CADM2: variants seen among roughly 807,000 people sequenced by gnomAD.
The protein encoded by CADM2 is immunoglobulin superfamily member 4D.
A neutral mutation model predicts 49.8 loss-of-function variants in CADM2; 12 were observed. The ratio of observed to expected loss-of-function variants is 0.24; its 90% confidence interval spans 0.15 to 0.39. The LOEUF (loss-of-function observed/expected upper bound fraction) is 0.39. Among genes scored for constraint, CADM2 ranks in the 10% least tolerant of loss-of-function variants. CADM2 has a pLI of 1.00. For synonymous variants in CADM2, 214 were observed against 175.4 expected, an observed-to-expected ratio of 1.22 and a Z score of -1.74; for missense variants, 378 against 492.3, an observed-to-expected ratio of 0.77 and a Z score of 2.20.
At chr3:85,111,004 C>A (rs2038437126) in intron 1 of CADM2, among the ~76,000 whole-genome samples, 2 of 151,778 alleles carry the variant, frequency 1.3e-5, no homozygotes, top group African/African-American at 4.8e-5. Context: ...TTCCCATCTA[C>A]CTTTTTATGT....
chr3:84,966,682 G>A (rs1243856069), intron 1 of CADM2, among the ~76,000 whole-genome samples: 3 of 151,994 alleles, frequency 2.0e-5, no homozygotes, highest in Non-Finnish European at 4.4e-5. Context: ...ATAGAGAGAG[G>A]GGGCCATTAA....
intron 1 of CADM2, among the ~76,000 whole-genome samples, chr3:85,426,599 C>T (rs1375309610): frequency 6.6e-6 from 1 of 151,856 alleles, no homozygotes; most frequent in African/African-American, 2.4e-5. Context: ...GGTATCCATC[C>T]CCTCAAGCAT....
intron 1 of CADM2, among the ~76,000 whole-genome samples, chr3:85,294,345 G>T (rs946655275): frequency 6.6e-6 from 1 of 151,962 alleles, no homozygotes; most frequent in Non-Finnish European, 1.5e-5. Context: ...AATCAATATC[G>T]TGAAAATGGC....
intron 1 of CADM2, among the ~76,000 whole-genome samples, chr3:85,118,589 A>G (rs1182779483): frequency 6.6e-6 from 1 of 152,124 alleles, no homozygotes; most frequent in Non-Finnish European, 1.5e-5. Flanking sequence ...ACCCATCCTC[A>G]TGACTCAATT....
chr3:85,068,834 A>G (rs1313829089), intron 1 of CADM2, among the ~76,000 whole-genome samples: 2 of 151,246 alleles, frequency 1.3e-5, no homozygotes, highest in African/African-American at 4.9e-5. Context: ...ATAACTTTTC[A>G]TATGGAGATA....
intron 1 of CADM2, among the ~76,000 whole-genome samples, chr3:85,339,409 T>C (rs571944332): frequency 4.0e-5 from 6 of 151,612 alleles, no homozygotes; most frequent in East Asian, 1.9e-4. Context: ...GAAATGTGTC[T>C]CTTTTTTTAC....
chr3:85,280,311 TG>T (rs2043469736), intron 1 of CADM2, among the ~76,000 whole-genome samples: 1 of 151,618 alleles, frequency 6.6e-6, no homozygotes, highest in Non-Finnish European at 1.5e-5. Context: ...TCATATACGG[TG>T]TACTTGGTTG....
chr3:85,707,393 C>CTTTTTTTTTTTTTTTTT (rs34006416), intron 1 of CADM2, among the ~76,000 whole-genome samples: 2 of 128,664 alleles, frequency 1.6e-5, no homozygotes, highest in Non-Finnish European at 3.2e-5. Flanking sequence ...ATCATTGTAT[C>CTTTTTTTTTTTTTTTTT]TTTTTTTTTT....
intron 1 of CADM2, among the ~76,000 whole-genome samples, chr3:85,315,232 TC>T (rs2044436419): frequency 6.6e-6 from 1 of 152,140 alleles, no homozygotes; most frequent in South Asian, 2.1e-4. Context: ...CAGGCGATCC[TC>T]CTGTCTCAGC....
intron 8 of CADM2, among the ~76,000 whole-genome samples, chr3:86,012,018 A>G (rs1432868427): frequency 6.6e-6 from 1 of 152,006 alleles, no homozygotes; most frequent in Non-Finnish European, 1.5e-5. Context: ...TTAATATTTT[A>G]TGTGTTATAA....
At chr3:85,542,991 T>C (rs745526230) in intron 1 of CADM2, among the ~76,000 whole-genome samples, 4 of 152,216 alleles carry the variant, frequency 2.6e-5, no homozygotes, top group Admixed American at 1.3e-4. Flanking sequence ...ATGGTCTATA[T>C]TGGTCAAACT....
At chr3:85,560,871 T>G (rs896860066) in intron 1 of CADM2, among the ~76,000 whole-genome samples, 1 of 152,302 alleles carries the variant, frequency 6.6e-6, no homozygotes, top group African/African-American at 2.4e-5. Flanking sequence ...AATATGTAAA[T>G]GTTTTACCAT....
In CADM2 at chr3:86,013,031, T is replaced by A. The variant is rs117563012; in HGVS notation, c.970+51384T>A. ...AACATTATCGATTATGTGCCAAACA[T>A]GAGACCTCTATGATCTGTAGAACTA... On this transcript the variant is annotated intron_variant, in intron 8 of 9. Transcript: ENST00000383699. 8.9e-4 allele frequency: 953 copies of A among 1,066,418 alleles called. 21 individuals are homozygous for A. In the East Asian group the frequency reaches 0.022, roughly 25 times the overall value. The allele number at this position is 1,066,418 out of a possible 1,614,324, so 66.1% of individuals were successfully genotyped here.
chr3:84,992,039 G>GTGATACTACTTTGTA (rs1282492160), intron 1 of CADM2, among the ~76,000 whole-genome samples: 2 of 152,148 alleles, frequency 1.3e-5, no homozygotes, highest in Non-Finnish European at 2.9e-5. Flanking sequence ...TTTTAGGGCA[G>GTGATACTACTTTGTA]TGATACTACT....
chr3:85,302,937 A>G (rs1223789710), intron 1 of CADM2, among the ~76,000 whole-genome samples: 2 of 151,990 alleles, frequency 1.3e-5, no homozygotes, highest in African/African-American at 2.4e-5. Context: ...TGAGAAATTA[A>G]TACTAATATT....
At chr3:85,963,652 AAT>A (rs1725118677) in intron 8 of CADM2, among the ~76,000 whole-genome samples, 1 of 151,900 alleles carries the variant, frequency 6.6e-6, no homozygotes, top group Non-Finnish European at 1.5e-5. Context: ...CAGAAAAAAT[AAT>A]ATACCTAAAT....
rs7647384 is a variant in CADM2, at chr3:85,797,295, C to T, written c.89-4752C>T. On this transcript the variant is annotated intron_variant, in intron 2 of 9. Transcript: ENST00000383699. ...TTTTAACTTCAAGTTCTGGCATACA[C>T]GTGCAGAACGTGCAGGTTTGTTCCA... Among the ~76,000 whole-genome samples, 380 of 152,016 alleles carry T rather than the reference C, an allele frequency of 2.5e-3. 1 individual carries two copies. The highest frequency in any genetic ancestry group is 8.9e-3 in the African/African-American group (369 of 41,472).
intron 1 of CADM2, among the ~76,000 whole-genome samples, chr3:85,228,205 A>G (rs558605075): frequency 6.6e-6 from 1 of 152,174 alleles, no homozygotes; most frequent in South Asian, 2.1e-4. Flanking sequence ...CCTGGATAAT[A>G]TTCTGTACAG....
At chr3:85,608,531 A>C (rs1408649594) in intron 1 of CADM2, among the ~76,000 whole-genome samples, 1 of 152,146 alleles carries the variant, frequency 6.6e-6, no homozygotes, top group Non-Finnish European at 1.5e-5. Context: ...CAATTGCTAA[A>C]TTTTGTTAAT....
Sources: allele counts gnomAD v4.1 joint callset (sites outside exome capture counted in the v4.1 genomes callset), GRCh38; gene constraint gnomAD v4.1.1; transcripts MANE v1.5; gene names NCBI Gene and HGNC (gene_info 2026-07-23, HGNC 2026-07-21).